Variants in CA2 observed in about 807,000 individuals in gnomAD.
CA2 encodes the protein carbonic anhydrase 2.
In CA2, 23 loss-of-function variants were observed where a neutral mutation model predicts 27.8. The ratio of observed to expected loss-of-function variants is 0.83; its 90% confidence interval spans 0.59 to 1.17. CA2 has a LOEUF of 1.17. CA2 is among the 50% of genes most tolerant of loss of function. The pLI is 0.00. For synonymous variants in CA2, 99 were observed against 114.9 expected (o/e 0.86, Z 0.88); for missense variants, 300 against 314.7 (o/e 0.95, Z 0.35).
At chr8:85,471,823 A>G (rs1255126240) in intron 2 of CA2, among the ~76,000 whole-genome samples, 1 of 152,062 alleles carries the variant, frequency 6.6e-6, no homozygotes, top group African/African-American at 2.4e-5. Context: ...TTCTTTTTTA[A>G]AAAAGTCTAG....
intron 3 of CA2, 126 bp from the exon 4 acceptor site, chr8:85,474,198 G>C: frequency 1.3e-6 from 1 of 793,296 alleles, no homozygotes; most frequent in Admixed American, 1.9e-5. Context: ...GGAAAATTTT[G>C]ATTTAAAATT....
intron 1 of CA2, chr8:85,464,325 G>A (rs914621660): frequency 6.3e-6 from 3 of 475,186 alleles, no homozygotes; most frequent in South Asian, 7.0e-5. Flanking sequence ...CCCCAGCTGC[G>A]AGGCCACTGT....
chr8:85,465,716 G>T (rs1408109150), intron 2 of CA2, among the ~76,000 whole-genome samples: 1 of 152,144 alleles, frequency 6.6e-6, no homozygotes, highest in Non-Finnish European at 1.5e-5. Flanking sequence ...GAATAACTGC[G>T]ATATGCCTGT....
In CA2 at chr8:85,480,765, G is replaced by A. The variant is rs999688127; in HGVS notation, c.759G>A (p.Arg253=). ...GCCCAGCTCAGCCACTGAAGAACAGGCAAATCAAAGCTTCCTTCAAATAAG... is the reference window on the plus strand; with the variant it reads ...GCCCAGCTCAGCCACTGAAGAACAGACAAATCAAAGCTTCCTTCAAATAAG... The part of the protein sequence containing the change: ...NWRPAQPLKN[R]QIKASFK The change falls in exon 7 of 7, where the codon AGG becomes AGA. Residue 253 remains arginine, a synonymous_variant. Transcript: ENST00000285379. The A allele has an allele frequency of 2.5e-6, 4 of 1,613,716 alleles. No homozygotes were observed. Among genetic ancestry groups the A allele is most frequent in the Admixed American group, 3.3e-5 (2 of 59,944 alleles).
At chr8:85,466,577 C>T (rs1811634253) in intron 2 of CA2, among the ~76,000 whole-genome samples, 1 of 151,906 alleles carries the variant, frequency 6.6e-6, no homozygotes, top group African/African-American at 2.4e-5. Context: ...TTCTGGAAGA[C>T]AATTTGATGG....
chr8:85,480,581 C>A, intron 6 of CA2, 89 bp from the exon 7 acceptor site: 1 of 1,351,228 alleles, frequency 7.4e-7, no homozygotes, highest in African/African-American at 1.5e-5. Flanking sequence ...CTGCGCCTGG[C>A]CGGGGAATGT....
chr8:85,473,029 T>G (rs1811733225), intron 2 of CA2, among the ~76,000 whole-genome samples: 3 of 142,508 alleles, frequency 2.1e-5, no homozygotes, highest in Non-Finnish European at 4.6e-5. Flanking sequence ...AATAAATAAA[T>G]AAATAAATAA....
intron 3 of CA2, 47 bp from the exon 4 acceptor site, chr8:85,474,277 T>C: frequency 7.5e-7 from 1 of 1,338,420 alleles, no homozygotes; most frequent in Non-Finnish European, 1.1e-6. Context: ...ATCTGTCAGC[T>C]TTGATTATGT....
At chr8:85,464,422 C>G (rs1353585281) in intron 1 of CA2, 3 of 369,656 alleles carry the variant, frequency 8.1e-6, no homozygotes, top group African/African-American at 6.4e-5. Flanking sequence ...GACAGTCCCT[C>G]CCGGGTCCCG....
chr8:85,464,262 C>T, intron 1 of CA2, 147 bp downstream of exon 1: 1 of 627,150 alleles, frequency 1.6e-6, no homozygotes, highest in Non-Finnish European at 2.5e-6. Context: ...CTCAGGTGCG[C>T]CCCGGGCGCT....
intron 4 of CA2, chr8:85,474,682 T>C: frequency 4.3e-6 from 2 of 460,714 alleles, no homozygotes; most frequent in East Asian, 4.4e-5. Flanking sequence ...CTGCTAGGTG[T>C]TTGTTTGTTT....
chr8:85,469,047 A>G (rs1811674121), intron 2 of CA2, among the ~76,000 whole-genome samples: 1 of 152,160 alleles, frequency 6.6e-6, no homozygotes, highest in Non-Finnish European at 1.5e-5. Flanking sequence ...TTGAAGGATA[A>G]CCTTATTTGA....
chr8:85,473,433 C>T (rs1198589289), intron 2 of CA2: 6 of 583,358 alleles, frequency 1.0e-5, no homozygotes, highest in Non-Finnish European at 1.9e-5. Flanking sequence ...GAAAAACATC[C>T]ATTCTCCAGA....
At chr8:85,475,687 G>A in intron 4 of CA2, 111 bp from the exon 5 acceptor site, 2 of 911,770 alleles carry the variant, frequency 2.2e-6, no homozygotes, top group Non-Finnish European at 3.6e-6. Flanking sequence ...ATGAAGTGGA[G>A]AATTTGGGCT....
In CA2 at chr8:85,465,335, TC is replaced by T; in HGVS notation, c.99del (p.Ile33MetfsTer12). On this transcript the variant is annotated frameshift_variant, in exon 2 of 7. Coordinates refer to ENST00000285379, the MANE Select transcript of CA2 (RefSeq NM_000067.3). LOFTEE classifies it high-confidence loss of function. ...GGAGAGCGCCAGTCCCCTGTTGACATCGACACTCATACAGCCAAGTATGACC... is the reference window on the plus strand; with the variant it reads ...GGAGAGCGCCAGTCCCCTGTTGACATGACACTCATACAGCCAAGTATGACC... ...AKGERQSPVD[I>X]DTHTAKYDPS... 6.2e-7 allele frequency: 1 copy of T among 1,614,172 alleles called. No homozygotes were observed. The highest frequency in any genetic ancestry group is 8.5e-7 in the Non-Finnish European group (1 of 1,180,008).
chr8:85,474,107 C>T, intron 3 of CA2: 2 of 612,756 alleles, frequency 3.3e-6, no homozygotes, highest in Non-Finnish European at 5.7e-6. Flanking sequence ...CAAAACTGTA[C>T]ATTTATTTGT....
rs1424652526 is a variant in CA2 at position 85,473,465 on chromosome 8, A to G, written c.233-228A>G. ...CAGACAACGCATGTGAGGAATAAAA[A>G]CAGGTAAAGTGATTTTGTTCAGCAC... On this transcript the variant is annotated intron_variant, in intron 2 of 6. Transcript: ENST00000285379. 3.5e-5 allele frequency: 23 copies of G among 651,116 alleles called. No homozygotes were observed. In the East Asian group the frequency reaches 7.2e-4, roughly 20 times the overall value. 40.3% of individuals were successfully genotyped at this position (651,116 alleles called of 1,614,324 possible).
rs1811573434 is a variant in CA2 at position 85,464,024 on chromosome 8, A to G, written c.-58A>G. On this transcript the variant is annotated 5_prime_UTR_variant, in exon 1 of 7. Coordinates refer to ENST00000285379, the MANE Select transcript of CA2 (RefSeq NM_000067.3). ...CCGCGGACACACAGTGCAGGCGCCC[A>G]AGCCGCCGCCGCCAGATCGGTGCCG... 5 of 1,522,758 alleles carry G rather than the reference A, an allele frequency of 3.3e-6. No homozygotes were observed. The highest frequency in any genetic ancestry group is 4.4e-6 in the Non-Finnish European group (5 of 1,132,774). The allele number at this position is 1,522,758 out of a possible 1,614,324, so 94.3% of individuals were successfully genotyped here.
At position 85,480,725 on chromosome 8, in the gene CA2, T is replaced by C; in HGVS notation, c.719T>C (p.Met240Thr). The C allele has an allele frequency of 6.2e-7, 1 of 1,613,926 alleles. No homozygotes were observed. The change falls in exon 7 of 7, where the codon ATG (methionine) becomes ACG (threonine). Residue 240 changes from methionine to threonine, a missense_variant. Transcript: ENST00000285379. ...FNGEGEPEEL[M>T]VDNWRPAQPL... is the part of the protein sequence containing the mutation. Reference sequence around the variant, plus strand: ...GGGGAGGGTGAACCCGAAGAACTGATGGTGGACAACTGGCGCCCAGCTCAG... The same window carrying C: ...GGGGAGGGTGAACCCGAAGAACTGACGGTGGACAACTGGCGCCCAGCTCAG...
Sources: gnomAD v4.1 joint callset for allele counts (sites outside exome capture counted in the v4.1 genomes callset) on GRCh38, gnomAD v4.1.1 for gene constraint, MANE v1.5 for transcripts, NCBI Gene and HGNC (gene_info 2026-07-23, HGNC 2026-07-21) for gene names.